The following DRP2 variants were observed in gnomAD, a reference collection of about 807,000 sequenced individuals.
DRP2 encodes dystrophin related protein 2, also known as dystrophin-related protein 2.
DRP2 carries 29 observed loss-of-function variants against 78.2 expected under a neutral mutation model. That is an observed-to-expected ratio of 0.37 (90% CI 0.28 to 0.51). The LOEUF is 0.51. DRP2 is among the 20% of genes least tolerant of loss of function. The pLI is 0.94. For synonymous variants in DRP2, 290 were observed against 281.9 expected (o/e 1.03, Z -0.29); for missense variants, 686 against 770.6 (o/e 0.89, Z 1.30).
chrX:101,247,027 A>G (rs1267402751), intron 11 of DRP2, 63 bp from the exon 12 acceptor site: 3 of 1,065,873 alleles, frequency 2.8e-6, no homozygotes, highest in Non-Finnish European at 3.9e-6. Context: ...GTAAAATGGT[A>G]TCTTGTTGCG....
At chrX:101,224,215 T>G (rs1922026328) in intron 1 of DRP2, among the ~76,000 whole-genome samples, 1 of 77,640 alleles carries the variant, frequency 1.3e-5, no homozygotes, top group Non-Finnish European at 2.4e-5. Flanking sequence ...TTTTTTTTTT[T>G]TTTTTTGAGA....
At chrX:101,257,886 G>C (rs1852858048) in intron 21 of DRP2, among the ~76,000 whole-genome samples, 1 of 111,279 alleles carries the variant, frequency 9.0e-6, no homozygotes, top group South Asian at 3.8e-4. Flanking sequence ...GGAGAGAAGA[G>C]GCAAGACAGG....
At chrX:101,236,882 GA>G (rs773290599) in intron 4 of DRP2, among the ~76,000 whole-genome samples, 21 of 111,017 alleles carry the variant, frequency 1.9e-4, no homozygotes, top group Non-Finnish European at 2.4e-4. Context: ...AGGTGGTGGT[GA>G]GGGGGGGGCA....
Position 101,263,316 on chromosome X carries a change from A to G in DRP2, c.*2695A>G, listed in dbSNP as rs767881764. ...GTCTTCTAAGGATATTGTGCATGGC[A>G]CTGTGTAGTTTATAGCCCTACACTG... On this transcript the variant is annotated 3_prime_UTR_variant, in exon 24 of 24. Transcript: ENST00000395209. The G allele has an allele frequency of 8.9e-6, 1 of 112,309 alleles. No individual in the cohort carries two copies. The highest frequency in any genetic ancestry group is 3.7e-4 in the South Asian group (1 of 2,688). 9.3% of individuals were successfully genotyped at this position (112,309 alleles called of 1,213,427 possible). A position where few individuals can be genotyped will look rare whatever the true frequency, so the allele number is the denominator to read the frequency against.
intron 13 of DRP2, 84 bp from the exon 14 acceptor site, chrX:101,248,430 G>A (rs1040053351): frequency 1.4e-5 from 16 of 1,134,667 alleles, no homozygotes; most frequent in Admixed American, 6.6e-5. Flanking sequence ...GCCCTGCTGG[G>A]ATCAACTTTG....
intron 2 of DRP2, among the ~76,000 whole-genome samples, chrX:101,225,454 T>C (rs1922087144): frequency 8.9e-6 from 1 of 111,742 alleles, no homozygotes; most frequent in Non-Finnish European, 1.9e-5. Context: ...ATTCACAATA[T>C]GACTCTGAAC....
intron 15 of DRP2, 96 bp from the exon 16 acceptor site, chrX:101,250,821 G>A (rs1213027994): frequency 9.1e-7 from 1 of 1,097,618 alleles, no homozygotes; most frequent in African/African-American, 1.8e-5. Flanking sequence ...GGCCAACCCA[G>A]CCCCTGCTGG....
intron 20 of DRP2, 94 bp downstream of exon 20, chrX:101,255,343 G>A: frequency 1.1e-6 from 1 of 913,184 alleles, no homozygotes; most frequent in Non-Finnish European, 1.6e-6. Context: ...GGGAATGGGG[G>A]TGTGTGGTGG....
chrX:101,250,714 A>G, intron 15 of DRP2, 134 bp downstream of exon 15: 1 of 957,639 alleles, frequency 1.0e-6, no homozygotes. Flanking sequence ...ATGGAACAAC[A>G]GGGCAGAGGG....
chrX:101,260,703 C>T lies in DRP2; in HGVS notation c.*82C>T. The T allele has an allele frequency of 9.1e-7, 1 of 1,094,274 alleles. No individual in the cohort carries two copies. The highest frequency in any genetic ancestry group is 2.4e-5 in the South Asian group (1 of 42,072). The allele number at this position is 1,094,274 out of a possible 1,213,427, so 90.2% of individuals were successfully genotyped here. On this transcript the variant is annotated 3_prime_UTR_variant, in exon 24 of 24. Transcript: ENST00000395209. ...TTTCCTCAGCCTTCACCCAACCTTT[C>T]CAGTTTCCACTGGCCCCACATTCCT...
rs1321997185 is a variant in DRP2 at position 101,237,774 on chromosome X, C to T, written c.437C>T (p.Ala146Val). The T allele has an allele frequency of 2.1e-5, 24 of 1,137,513 alleles. No individual in the cohort carries two copies. The highest frequency in any genetic ancestry group is 2.7e-5 in the Non-Finnish European group (23 of 851,986). 93.7% of individuals were successfully genotyped at this position (1,137,513 alleles called of 1,213,427 possible). A position where few individuals can be genotyped will look rare whatever the true frequency, so the allele number is the denominator to read the frequency against. The change falls in exon 5 of 24, where the codon GCG becomes GTG. Residue 146 changes from alanine to valine, a missense_variant and splice_region_variant. Physicochemically the swap from Ala to Val is moderately conservative, Grantham distance 64 (BLOSUM62 0). This residue lies in a region of DRP2 where 263 missense variants were observed against 239.1 expected (regional missense o/e 1.10). Coordinates refer to ENST00000395209, the MANE Select transcript of DRP2 (RefSeq NM_001939.3). Reference sequence around the variant, plus strand: ...GTGCAACAGGAGAAGGAGACACATGCGGTAGGTTAGAATCAGAGAAGCCGT... The same window carrying T: ...GTGCAACAGGAGAAGGAGACACATGTGGTAGGTTAGAATCAGAGAAGCCGT... ...ALVQQEKETHAAFMEEVKSRG... is the reference protein window; with the variant it reads ...ALVQQEKETHVAFMEEVKSRG...
chrX:101,256,516 T>TGCTA (rs1244083695), intron 21 of DRP2, among the ~76,000 whole-genome samples: 2 of 107,795 alleles, frequency 1.9e-5, no homozygotes, highest in African/African-American at 6.7e-5. Context: ...GTTCAATAAA[T>TGCTA]GCTAGCTATT....
In DRP2 at chrX:101,261,861, G is replaced by A. The variant is rs1923566600; in HGVS notation, c.*1240G>A. 8.9e-6 allele frequency: 1 copy of A among 111,896 alleles called. No individual in the cohort carries two copies. Among genetic ancestry groups the A allele is most frequent in the Non-Finnish European group, 1.9e-5 (1 of 53,190 alleles). 9.2% of individuals were successfully genotyped at this position (111,896 alleles called of 1,213,427 possible). The stretch of plus-strand genomic sequence containing the variant: ...GATCTCTTTATCCAGAAACTGTTCA[G>A]AATAGATAGTAGGGGTGGGGGAGTG... On this transcript the variant is annotated 3_prime_UTR_variant, in exon 24 of 24. Coordinates refer to ENST00000395209, the MANE Select transcript of DRP2 (RefSeq NM_001939.3).
intron 16 of DRP2, among the ~76,000 whole-genome samples, chrX:101,252,370 A>G (rs1355765333): frequency 9.0e-6 from 1 of 111,670 alleles, no homozygotes; most frequent in East Asian, 2.8e-4. Flanking sequence ...GCTATTTCCC[A>G]CACTTCATGG....
At chrX:101,260,422 C>T in intron 23 of DRP2, 75 bp from the exon 24 acceptor site, 1 of 1,148,449 alleles carries the variant, frequency 8.7e-7, no homozygotes, top group East Asian at 3.0e-5. Context: ...CTTCAGCTGG[C>T]AGAATTCTAT....
At chrX:101,254,991 G>A (rs1293785373) in intron 19 of DRP2, 67 bp downstream of exon 19, 19 of 1,179,343 alleles carry the variant, frequency 1.6e-5, no homozygotes, top group Non-Finnish European at 2.2e-5. Context: ...AGGATCTTCA[G>A]TCGGGGCAAG....
chrX:101,236,747 T>A (rs1276471236), intron 4 of DRP2, among the ~76,000 whole-genome samples: 1 of 112,526 alleles, frequency 8.9e-6, no homozygotes, highest in Non-Finnish European at 1.9e-5. Context: ...ATCATCGCTC[T>A]ATCAATGACT....
At position 101,251,404 on chromosome X, in the gene DRP2, A is replaced by G. The variant is rs964926452; in HGVS notation, c.1865+321A>G. On this transcript the variant is annotated intron_variant, in intron 16 of 23. Transcript: ENST00000395209. ...CACAACCTACTCTCTAGAAAGAAAAAAGGAAAGCTGATCTGTAGCATTTGC... is the reference window on the plus strand; with the variant it reads ...CACAACCTACTCTCTAGAAAGAAAAGAGGAAAGCTGATCTGTAGCATTTGC... The G allele has an allele frequency of 4.4e-4, 65 of 147,198 alleles. 1 individual carries two copies. Among genetic ancestry groups the G allele is most frequent in the African/African-American group, 2.0e-3 (63 of 31,846 alleles). 12.1% of individuals were successfully genotyped at this position (147,198 alleles called of 1,213,427 possible).
intron 12 of DRP2, 95 bp from the exon 13 acceptor site, chrX:101,247,994 A>C: frequency 2.5e-6 from 2 of 798,882 alleles, no homozygotes; most frequent in Non-Finnish European, 3.7e-6. Flanking sequence ...AGATTGAGTC[A>C]AATTTGGTGA....
Sources: gnomAD v4.1 joint callset for allele counts (sites outside exome capture counted in the v4.1 genomes callset) on GRCh38, gnomAD v4.1.1 for gene constraint, gnomAD v4.1.1 regional missense constraint, MANE v1.5 for transcripts, NCBI Gene and HGNC (gene_info 2026-07-23, HGNC 2026-07-21) for gene names.